The following KCNN2 variants were observed in gnomAD, a reference collection of about 807,000 sequenced individuals.
KCNN2 encodes the protein small conductance calcium-activated potassium channel protein 2.
KCNN2 carries 24 observed loss-of-function variants against 55.5 expected under a neutral mutation model. That is an observed-to-expected ratio of 0.43 (90% CI 0.31 to 0.61). KCNN2 has a LOEUF of 0.61. Among genes scored for constraint, KCNN2 ranks in the 20% least tolerant of loss-of-function variants. The pLI is 0.08. For synonymous variants in KCNN2, 431 were observed against 336.1 expected, an observed-to-expected ratio of 1.28 and a Z score of -3.09; for missense variants, 754 against 853.6, an observed-to-expected ratio of 0.88 and a Z score of 1.45.
At chr5:114,067,728 A>G (rs1750480305) in intron 1 of KCNN2, among the ~76,000 whole-genome samples, 1 of 151,852 alleles carries the variant, frequency 6.6e-6, no homozygotes, top group South Asian at 2.1e-4. Context: ...TTCATACCCC[A>G]CTCCTCCCAC....
intron 3 of KCNN2, among the ~76,000 whole-genome samples, chr5:114,455,554 G>C (rs1335368816): frequency 1.3e-5 from 2 of 152,182 alleles, no homozygotes; most frequent in Non-Finnish European, 2.9e-5. Flanking sequence ...AAGTGTTCAC[G>C]TGACAAGAAG....
chr5:114,146,413 A>G (rs897730523), intron 1 of KCNN2, among the ~76,000 whole-genome samples: 3 of 152,150 alleles, frequency 2.0e-5, no homozygotes, highest in Non-Finnish European at 4.4e-5. Flanking sequence ...GAAAATTTTT[A>G]AAAGCTTTAC....
intron 2 of KCNN2, among the ~76,000 whole-genome samples, chr5:114,351,760 CTAAT>C (rs1023912882): frequency 7.3e-5 from 11 of 151,662 alleles, no homozygotes; most frequent in Non-Finnish European, 1.3e-4. Flanking sequence ...TTGTATTACA[CTAAT>C]TAATTTTATA....
intron 1 of KCNN2, among the ~76,000 whole-genome samples, chr5:114,122,898 A>G (rs542628791): frequency 6.6e-6 from 1 of 152,324 alleles, no homozygotes; most frequent in South Asian, 2.1e-4. Context: ...TCTTGTAAGT[A>G]GAAGAAGAAC....
chr5:114,361,544 G>A (rs1757422073), upstream of KCNN2, among the ~76,000 whole-genome samples: 2 of 152,200 alleles, frequency 1.3e-5, no homozygotes, highest in South Asian at 4.1e-4. Context: ...TCGGCGGGAT[G>A]ATCTGGGAGA....
chr5:114,487,620 A>G (rs2150137854), intron 6 of KCNN2, among the ~76,000 whole-genome samples: 1 of 152,212 alleles, frequency 6.6e-6, no homozygotes, highest in East Asian at 1.9e-4. Flanking sequence ...TAAATTTTCC[A>G]GTTTGTGTAG....
chr5:114,377,290 C>T (rs917605297), intron 2 of KCNN2, among the ~76,000 whole-genome samples: 11 of 152,166 alleles, frequency 7.2e-5, no homozygotes, highest in South Asian at 4.2e-4. Context: ...ATACCAGCCA[C>T]GTCAGGATTC....
chr5:114,439,811 G>T (rs1469020981), intron 3 of KCNN2, among the ~76,000 whole-genome samples: 1 of 152,164 alleles, frequency 6.6e-6, no homozygotes, highest in Non-Finnish European at 1.5e-5. Flanking sequence ...TTCCCAGGCT[G>T]GGTGGGGTGT....
chr5:114,479,626 A>T (rs1000391216), intron 5 of KCNN2, among the ~76,000 whole-genome samples: 1 of 152,142 alleles, frequency 6.6e-6, no homozygotes, highest in Admixed American at 6.6e-5. Context: ...TGACATAATC[A>T]GAAGTATAAC....
chr5:114,442,148 A>G (rs988164111), intron 3 of KCNN2, among the ~76,000 whole-genome samples: 3 of 152,100 alleles, frequency 2.0e-5, no homozygotes, highest in Non-Finnish European at 4.4e-5. Flanking sequence ...ACAGTACAAA[A>G]GTGACATTAT....
At chr5:114,220,765 G>A (rs1754120268) in intron 1 of KCNN2, among the ~76,000 whole-genome samples, 1 of 149,074 alleles carries the variant, frequency 6.7e-6, no homozygotes, top group Admixed American at 6.7e-5. Flanking sequence ...GGTGGAGGTT[G>A]CAGTCAGCTG....
intron 1 of KCNN2, among the ~76,000 whole-genome samples, chr5:114,108,791 T>A (rs964284631): frequency 6.6e-6 from 1 of 151,752 alleles, no homozygotes; most frequent in Non-Finnish European, 1.5e-5. Context: ...AGTGGATTGT[T>A]TTCAGTTTGG....
intron 1 of KCNN2, among the ~76,000 whole-genome samples, chr5:114,110,149 C>T (rs1292802091): frequency 6.6e-6 from 1 of 152,024 alleles, no homozygotes; most frequent in Non-Finnish European, 1.5e-5. Flanking sequence ...GCCTCAGGAA[C>T]TTTGAGAGAA....
At chr5:114,388,521 A>T (rs1485332969) in intron 2 of KCNN2, among the ~76,000 whole-genome samples, 1 of 152,154 alleles carries the variant, frequency 6.6e-6, no homozygotes. Flanking sequence ...GACTTTCTCC[A>T]AATTAATCAT....
chr5:114,423,433 G>C (rs1347844157), intron 3 of KCNN2, among the ~76,000 whole-genome samples: 2 of 152,130 alleles, frequency 1.3e-5, no homozygotes, highest in Admixed American at 1.3e-4. Flanking sequence ...AGGGACTTAG[G>C]AAGTGTTTCA....
intron 2 of KCNN2, among the ~76,000 whole-genome samples, chr5:114,244,537 C>T (rs1754713390): frequency 6.6e-6 from 1 of 151,224 alleles, no homozygotes; most frequent in Non-Finnish European, 1.5e-5. Context: ...GCGGAGGTTA[C>T]AGCGAGCCGA....
chr5:114,281,511 T>C (rs1755622156), intron 2 of KCNN2, among the ~76,000 whole-genome samples: 1 of 151,988 alleles, frequency 6.6e-6, no homozygotes, highest in Non-Finnish European at 1.5e-5. Flanking sequence ...TGTAGAATCT[T>C]GTTATGGTTC....
chr5:114,364,182 G>T (rs186269819), intron 2 of KCNN2, among the ~76,000 whole-genome samples, 181 bp downstream of exon 2: 2 of 152,188 alleles, frequency 1.3e-5, no homozygotes, highest in African/African-American at 4.8e-5. Context: ...ACAACACAAG[G>T]CAGGGTAGCA....
At chr5:114,431,933 C>G (rs1056372370) in intron 3 of KCNN2, among the ~76,000 whole-genome samples, 8 of 152,086 alleles carry the variant, frequency 5.3e-5, no homozygotes, top group African/African-American at 1.9e-4. Flanking sequence ...CCATTTTGGT[C>G]TGAGAGCACA....
Sources: allele counts gnomAD v4.1 joint callset (sites outside exome capture counted in the v4.1 genomes callset), GRCh38; gene constraint gnomAD v4.1.1; transcripts MANE v1.5; gene names NCBI Gene and HGNC (gene_info 2026-07-23, HGNC 2026-07-21).